The following SIPA1L2 variants were observed in gnomAD, a reference collection of about 807,000 sequenced individuals.
SIPA1L2 encodes the protein signal induced proliferation associated 1 like 2.
A neutral mutation model predicts 163.9 loss-of-function variants in SIPA1L2; 56 were observed. That is an observed-to-expected ratio of 0.34 (90% CI 0.28 to 0.43). The LOEUF (loss-of-function observed/expected upper bound fraction) is 0.43. Among genes scored for constraint, SIPA1L2 ranks in the 20% least tolerant of loss-of-function variants. The probability of loss-of-function intolerance (pLI) is 1.00; values close to 1 mark genes in which losing one functional copy is unlikely to be tolerated. For synonymous variants in SIPA1L2, 877 were observed against 865.7 expected (o/e 1.01, Z -0.23); for missense variants, 1,974 against 2,193.5 (o/e 0.90, Z 2.00).
intron 5 of SIPA1L2, among the ~76,000 whole-genome samples, chr1:232,484,376 C>T (rs1370650504): frequency 6.6e-6 from 1 of 152,102 alleles, no homozygotes; most frequent in Non-Finnish European, 1.5e-5. Context: ...AAGTTTTTCT[C>T]TGTAGTAATA....
At chr1:232,479,159 G>C (rs1203364458) in intron 7 of SIPA1L2, among the ~76,000 whole-genome samples, 4 of 152,120 alleles carry the variant, frequency 2.6e-5, no homozygotes, top group Non-Finnish European at 4.4e-5. Flanking sequence ...GATGCACTCT[G>C]ATTTTTTTCT....
At chr1:232,628,356 A>G (rs1043513536) in intron 1 of SIPA1L2, among the ~76,000 whole-genome samples, 4 of 152,252 alleles carry the variant, frequency 2.6e-5, no homozygotes, top group Admixed American at 2.0e-4. Flanking sequence ...ATTTATACCC[A>G]AAACTTAAGA....
chr1:232,546,406 A>G (rs1431645766), intron 2 of SIPA1L2, among the ~76,000 whole-genome samples: 1 of 152,204 alleles, frequency 6.6e-6, no homozygotes, highest in African/African-American at 2.4e-5. Flanking sequence ...CTCTTTAGTA[A>G]GAGTCAATAC....
chr1:232,477,826 T>C (rs1035063128), intron 7 of SIPA1L2, among the ~76,000 whole-genome samples: 2 of 152,152 alleles, frequency 1.3e-5, no homozygotes, highest in East Asian at 1.9e-4. Context: ...TCTCTGGAGG[T>C]TGCCACATGT....
intron 10 of SIPA1L2, among the ~76,000 whole-genome samples, chr1:232,448,645 G>C (rs1055136941): frequency 1.3e-5 from 2 of 152,206 alleles, no homozygotes; most frequent in African/African-American, 4.8e-5. Context: ...AGCAGAGGAA[G>C]GTGTGCTGAG....
intron 3 of SIPA1L2, among the ~76,000 whole-genome samples, chr1:232,508,605 A>G (rs1391164902): frequency 6.6e-6 from 1 of 152,248 alleles, no homozygotes; most frequent in Non-Finnish European, 1.5e-5. Flanking sequence ...TCCCTATCTA[A>G]GGGACCCTTT....
At chr1:232,437,118 G>A (rs1396140553) in intron 15 of SIPA1L2, among the ~76,000 whole-genome samples, 2 of 152,148 alleles carry the variant, frequency 1.3e-5, no homozygotes, top group Non-Finnish European at 1.5e-5. Context: ...TACAAATACC[G>A]GTAAAAAGCC....
chr1:232,494,563 T>G (rs1666083960), intron 3 of SIPA1L2, among the ~76,000 whole-genome samples: 1 of 152,220 alleles, frequency 6.6e-6, no homozygotes, highest in African/African-American at 2.4e-5. Flanking sequence ...ACATGAAGCT[T>G]ACTGCTCTGT....
At chr1:232,498,979 T>C (rs1024788581) in intron 3 of SIPA1L2, among the ~76,000 whole-genome samples, 4 of 152,202 alleles carry the variant, frequency 2.6e-5, no homozygotes, top group Admixed American at 6.5e-5. Context: ...ACAGTGGATG[T>C]CTCAACTGTG....
At chr1:232,573,748 G>T (rs1319374101) in intron 2 of SIPA1L2, among the ~76,000 whole-genome samples, 1 of 152,114 alleles carries the variant, frequency 6.6e-6, no homozygotes. Flanking sequence ...CCTCACAACG[G>T]CCGCTCTCAG....
At chr1:232,630,346 G>A (rs925191409), upstream of SIPA1L2, among the ~76,000 whole-genome samples, 1 of 152,050 alleles carries the variant, frequency 6.6e-6, no homozygotes, top group South Asian at 2.1e-4. Flanking sequence ...GCGTCCAGGA[G>A]GGGCCCGGAC....
In SIPA1L2 at chr1:232,533,501, G is replaced by A. The variant is rs533936742; in HGVS notation, c.-269-17893C>T. Among the ~76,000 whole-genome samples, 29 of 152,296 alleles carry A rather than the reference G, an allele frequency of 1.9e-4. No homozygotes were observed. The South Asian group carries it at 6.0e-3, about 32-fold the overall frequency. ...CAGCTATCACTGACCTGAAACTGGA[G>A]TCAGCACCTGAGTTGAATATACTGT... On this transcript the variant is annotated intron_variant, in intron 2 of 22. Coordinates refer to ENST00000674635, the MANE Select transcript of SIPA1L2 (RefSeq NM_020808.5).
intron 1 of SIPA1L2, among the ~76,000 whole-genome samples, chr1:232,624,110 G>A (rs1014466289): frequency 2.0e-5 from 3 of 152,046 alleles, no homozygotes; most frequent in Admixed American, 2.0e-4. Context: ...ACACACAAAC[G>A]TGCATGCAGA....
intron 2 of SIPA1L2, among the ~76,000 whole-genome samples, chr1:232,520,745 C>G (rs1667426045): frequency 6.6e-6 from 1 of 152,106 alleles, no homozygotes; most frequent in Non-Finnish European, 1.5e-5. Context: ...GATAATAGGA[C>G]AGGGAATAAA....
At chr1:232,409,782 C>A (rs941877972) in intron 19 of SIPA1L2, among the ~76,000 whole-genome samples, 9 of 152,120 alleles carry the variant, frequency 5.9e-5, no homozygotes, top group African/African-American at 1.9e-4. Flanking sequence ...GCTAAGATCA[C>A]ATGGAGCAGA....
intron 7 of SIPA1L2, among the ~76,000 whole-genome samples, chr1:232,476,777 C>T (rs1393004056): frequency 6.6e-6 from 1 of 152,164 alleles, no homozygotes; most frequent in Non-Finnish European, 1.5e-5. Context: ...ACTTTTAATA[C>T]ATCTTGGAAT....
Position 232,606,262 on chromosome 1 carries a change from A to G in SIPA1L2, c.-319+23607T>C, listed in dbSNP as rs151244181. Among the ~76,000 whole-genome samples, 587 of 152,344 alleles carry G rather than the reference A, an allele frequency of 3.9e-3. 3 individuals are homozygous for G. The highest frequency in any genetic ancestry group is 0.014 in the South Asian group (66 of 4,830). Reference sequence around the variant, plus strand: ...TTTAATAAGCCATTTCAGAATTTTAATAGAAGCATTAACAGGCGTGAAAGA... The same window carrying G: ...TTTAATAAGCCATTTCAGAATTTTAGTAGAAGCATTAACAGGCGTGAAAGA... On this transcript the variant is annotated intron_variant, in intron 1 of 22. Transcript: ENST00000674635.
chr1:232,596,865 A>G (rs1661281508), intron 1 of SIPA1L2, among the ~76,000 whole-genome samples: 4 of 152,184 alleles, frequency 2.6e-5, no homozygotes, highest in African/African-American at 9.7e-5. Context: ...TCTGATTAGA[A>G]AATGGTTCAT....
intron 1 of SIPA1L2, among the ~76,000 whole-genome samples, chr1:232,592,697 T>G (rs1320817312): frequency 6.6e-6 from 1 of 152,086 alleles, no homozygotes; most frequent in Non-Finnish European, 1.5e-5. Flanking sequence ...CAAATCTTTT[T>G]TAACCTTTCC....
Sources: allele counts gnomAD v4.1 joint callset (sites outside exome capture counted in the v4.1 genomes callset), GRCh38; gene constraint gnomAD v4.1.1; transcripts MANE v1.5; gene names NCBI Gene and HGNC (gene_info 2026-07-23, HGNC 2026-07-21).